SPAG16: variants seen among roughly 807,000 people sequenced by gnomAD.
The protein encoded by SPAG16 is sperm associated antigen 16.
A neutral mutation model predicts 80.4 loss-of-function variants in SPAG16; 86 were observed. The observed-to-expected ratio is 1.07, with a 90% CI of 0.90 to 1.28. The LOEUF (loss-of-function observed/expected upper bound fraction) is 1.28. SPAG16 is among the 50% of genes most tolerant of loss of function. The probability of loss-of-function intolerance (pLI) is 0.00; values close to 1 mark genes in which losing one functional copy is unlikely to be tolerated. For missense variants in SPAG16, 870 were observed against 765.3 expected, an observed-to-expected ratio of 1.14 and a Z score of -1.61; for synonymous variants, 294 against 265.9, an observed-to-expected ratio of 1.11 and a Z score of -1.03.
chr2:213,850,410 A>T (rs2074842860), intron 10 of SPAG16, among the ~76,000 whole-genome samples: 1 of 152,222 alleles, frequency 6.6e-6, no homozygotes, highest in Non-Finnish European at 1.5e-5. Context: ...TCCAGGGAAA[A>T]CTGTCTATGT....
intron 10 of SPAG16, among the ~76,000 whole-genome samples, chr2:213,552,915 G>C (rs1172854632): frequency 2.6e-5 from 4 of 151,966 alleles, no homozygotes; most frequent in Non-Finnish European, 5.9e-5. Context: ...AAATTCTTTG[G>C]CTTTTGGACT....
chr2:214,034,998 G>A lies in SPAG16; in HGVS notation c.1527+20921G>A, dbSNP rs115132339. On this transcript the variant is annotated intron_variant, in intron 13 of 15. Coordinates refer to ENST00000331683, the MANE Select transcript of SPAG16 (RefSeq NM_024532.5). The stretch of plus-strand genomic sequence containing the variant: ...AATAATTCTATTTTTCAAGTGGATG[G>A]TGAGCAAGGTGAAAAGGAGCTTTAT... Among the ~76,000 whole-genome samples the A allele has an allele frequency of 5.3e-3, 809 of 152,268 alleles. 6 individuals are homozygous for A. The highest frequency in any genetic ancestry group is 0.018 in the African/African-American group (746 of 41,556).
intron 15 of SPAG16, among the ~76,000 whole-genome samples, chr2:214,294,240 G>C (rs1212973059): frequency 1.3e-5 from 2 of 152,190 alleles, no homozygotes; most frequent in Admixed American, 1.3e-4. Flanking sequence ...TCTTGGCTAA[G>C]ATTGTGTAAG....
chr2:214,163,671 G>T (rs952444579), intron 15 of SPAG16, among the ~76,000 whole-genome samples: 8 of 151,308 alleles, frequency 5.3e-5, no homozygotes, highest in Admixed American at 6.6e-5. Flanking sequence ...GAGAGGAAAA[G>T]ATTTATTTTA....
intron 10 of SPAG16, among the ~76,000 whole-genome samples, chr2:213,856,359 A>G (rs961800373): frequency 6.6e-6 from 1 of 152,254 alleles, no homozygotes; most frequent in East Asian, 1.9e-4. Flanking sequence ...GAGTGTCTGT[A>G]GCTTTTCCAG....
intron 10 of SPAG16, among the ~76,000 whole-genome samples, chr2:213,712,886 T>TAA (rs1040391217): frequency 8.5e-5 from 13 of 152,180 alleles, no homozygotes; most frequent in Non-Finnish European, 1.5e-4. Flanking sequence ...CTGTCTGTAT[T>TAA]AGTCTGTTCT....
chr2:214,076,779 G>T (rs993979251), intron 13 of SPAG16, among the ~76,000 whole-genome samples: 1 of 152,140 alleles, frequency 6.6e-6, no homozygotes, highest in Admixed American at 6.6e-5. Context: ...GTTGGGCAAA[G>T]TTAATAAGTA....
chr2:213,299,406 G>T (rs924326575), intron 3 of SPAG16, among the ~76,000 whole-genome samples: 1 of 151,084 alleles, frequency 6.6e-6, no homozygotes, highest in Non-Finnish European at 1.5e-5. Context: ...AAGTAGCTGG[G>T]ACTACAGGCA....
At chr2:213,352,263 G>T (rs1438928300) in intron 7 of SPAG16, among the ~76,000 whole-genome samples, 2 of 151,380 alleles carry the variant, frequency 1.3e-5, no homozygotes, top group Non-Finnish European at 2.9e-5. Flanking sequence ...TAATACAAAT[G>T]AGTTTAACAA....
chr2:213,939,722 A>C (rs2079123220), intron 12 of SPAG16, among the ~76,000 whole-genome samples: 1 of 152,166 alleles, frequency 6.6e-6, no homozygotes, highest in South Asian at 2.1e-4. Context: ...TTATTGTGTC[A>C]GTTTGCTTTT....
intron 15 of SPAG16, among the ~76,000 whole-genome samples, chr2:214,365,127 A>C (rs142239748): frequency 8.8e-4 from 134 of 152,316 alleles, no homozygotes; most frequent in African/African-American, 3.0e-3. Flanking sequence ...TTCAAGCCTG[A>C]GTGACAGAAG....
chr2:213,855,148 A>G (rs921148456), intron 10 of SPAG16, among the ~76,000 whole-genome samples: 1 of 152,252 alleles, frequency 6.6e-6, no homozygotes, highest in Non-Finnish European at 1.5e-5. Flanking sequence ...AGCAAGTGAC[A>G]ATAGTTTTAA....
intron 10 of SPAG16, among the ~76,000 whole-genome samples, chr2:213,572,754 G>A (rs940049798): frequency 9.2e-5 from 14 of 152,156 alleles, no homozygotes; most frequent in African/African-American, 3.4e-4. Flanking sequence ...CTTGAGCTGT[G>A]GTGGGCTCTA....
rs573316326 is a variant in SPAG16, at chr2:213,798,605, G to C, written c.1071-63880G>C. On this transcript the variant is annotated intron_variant, in intron 10 of 15. Transcript: ENST00000331683. The stretch of plus-strand genomic sequence containing the variant: ...AACTTTTAAATTCTGATGAAGCCTA[G>C]TGTATTGTTTATTTATCACTTGTAC... Among the ~76,000 whole-genome samples, 4 of 152,190 alleles carry C rather than the reference G, an allele frequency of 2.6e-5. No individual in the cohort carries two copies. The South Asian group carries it at 8.3e-4, about 32-fold the overall frequency.
At chr2:213,879,798 T>A (rs1164412536) in intron 11 of SPAG16, among the ~76,000 whole-genome samples, 1 of 152,134 alleles carries the variant, frequency 6.6e-6, no homozygotes, top group Non-Finnish European at 1.5e-5. Context: ...TGCATATAGT[T>A]GCAAAGAACA....
intron 9 of SPAG16, chr2:213,396,825 C>T (rs1038077509): frequency 4.0e-6 from 1 of 247,230 alleles, no homozygotes; most frequent in African/African-American, 2.3e-5. Flanking sequence ...TCTTTACAGT[C>T]TTCATAAAAG....
intron 13 of SPAG16, among the ~76,000 whole-genome samples, chr2:214,094,416 C>A (rs1265063907): frequency 1.3e-5 from 2 of 152,070 alleles, no homozygotes; most frequent in Non-Finnish European, 2.9e-5. Context: ...ATACAAAGTC[C>A]TGAAACTCAT....
At chr2:213,490,368 A>G (rs1388183995) in intron 10 of SPAG16, among the ~76,000 whole-genome samples, 1 of 152,142 alleles carries the variant, frequency 6.6e-6, no homozygotes, top group Non-Finnish European at 1.5e-5. Flanking sequence ...TTCTAGGATT[A>G]CTTTAAAGAT....
At chr2:214,233,349 T>TGAA (rs1361512834) in intron 15 of SPAG16, among the ~76,000 whole-genome samples, 24 of 140,014 alleles carry the variant, frequency 1.7e-4, no homozygotes, top group African/African-American at 7.0e-4. Context: ...ATAATAATGA[T>TGAA]GATGATGATG....
Sources: allele counts gnomAD v4.1 joint callset (sites outside exome capture counted in the v4.1 genomes callset), GRCh38; gene constraint gnomAD v4.1.1; transcripts MANE v1.5; gene names NCBI Gene and HGNC (gene_info 2026-07-23, HGNC 2026-07-21).